KCNJ6: variants seen among roughly 807,000 people sequenced by gnomAD.
KCNJ6 encodes potassium inwardly rectifying channel subfamily J member 6.
KCNJ6 carries 9 observed loss-of-function variants against 34.2 expected under a neutral mutation model. The observed-to-expected ratio is 0.26, with a 90% CI of 0.16 to 0.46. The LOEUF is 0.46. Among genes scored for constraint, KCNJ6 ranks in the 20% least tolerant of loss-of-function variants. KCNJ6 has a pLI of 1.00. For missense variants in KCNJ6, 236 were observed against 531.3 expected, an observed-to-expected ratio of 0.44 and a Z score of 5.46; for synonymous variants, 196 against 207.1, an observed-to-expected ratio of 0.95 and a Z score of 0.46.
intron 1 of KCNJ6, among the ~76,000 whole-genome samples, chr21:37,859,498 T>C (rs1366158963): frequency 5.1e-5 from 1 of 19,448 alleles, no homozygotes; most frequent in Non-Finnish European, 9.6e-5. Context: ...TATATATATA[T>C]ATATATATAT....
intron 1 of KCNJ6, among the ~76,000 whole-genome samples, chr21:37,905,246 C>T (rs2055835853): frequency 6.6e-6 from 1 of 152,228 alleles, no homozygotes; most frequent in Non-Finnish European, 1.5e-5. Flanking sequence ...AGTGTCCTAG[C>T]TGTGTGTCCT....
chr21:37,795,750 A>AAC (rs1477658255), intron 2 of KCNJ6, among the ~76,000 whole-genome samples: 3 of 151,746 alleles, frequency 2.0e-5, no homozygotes, highest in Admixed American at 6.6e-5. Flanking sequence ...AAAAAAAACA[A>AAC]AAAAAAACCC....
rs1298815737 is a variant in KCNJ6, at chr21:37,615,726, A to T, written c.*9433T>A. The T allele has an allele frequency of 2.0e-5, 3 of 152,178 alleles. No individual in the cohort carries two copies. The highest frequency in any genetic ancestry group is 4.4e-5 in the Non-Finnish European group (3 of 68,014). 9.4% of individuals were successfully genotyped at this position (152,178 alleles called of 1,614,324 possible). A position where few individuals can be genotyped will look rare whatever the true frequency, so the allele number is the denominator to read the frequency against. On this transcript the variant is annotated 3_prime_UTR_variant, in exon 4 of 4. Transcript: ENST00000609713. ...GTAAATTTTAAAATTGCTTTTGTTT[A>T]TATTTGTGCTTATTAAAACACTCCC...
intron 3 of KCNJ6, among the ~76,000 whole-genome samples, chr21:37,669,490 CAAAG>C (rs1471157386): frequency 6.6e-6 from 1 of 152,096 alleles, no homozygotes; most frequent in Non-Finnish European, 1.5e-5. Flanking sequence ...AGGGAAGCCT[CAAAG>C]AAATCTCTGC....
At chr21:37,885,927 T>C (rs976451840) in intron 1 of KCNJ6, among the ~76,000 whole-genome samples, 1 of 152,164 alleles carries the variant, frequency 6.6e-6, no homozygotes, top group Admixed American at 6.5e-5. Context: ...CTTGCCTTTC[T>C]CGAGGTTATT....
chr21:37,717,124 C>T (rs1171801909), intron 2 of KCNJ6: 1 of 154,404 alleles, frequency 6.5e-6, no homozygotes, highest in African/African-American at 2.4e-5. Flanking sequence ...GTTTCAGCCT[C>T]AGGAAGAGAC....
chr21:37,891,850 G>A (rs1009469487), intron 1 of KCNJ6, among the ~76,000 whole-genome samples: 1 of 152,192 alleles, frequency 6.6e-6, no homozygotes, highest in African/African-American at 2.4e-5. Flanking sequence ...CATTGGTGCT[G>A]ATGCTGGCGG....
At chr21:37,749,902 T>C (rs529065477) in intron 2 of KCNJ6, among the ~76,000 whole-genome samples, 27 of 152,284 alleles carry the variant, frequency 1.8e-4, no homozygotes, top group Admixed American at 3.9e-4. Context: ...CAGCCTGCCT[T>C]GCACCGTCGC....
At chr21:37,673,373 T>G (rs1261990839) in intron 3 of KCNJ6, among the ~76,000 whole-genome samples, 1 of 146,884 alleles carries the variant, frequency 6.8e-6, no homozygotes, top group Non-Finnish European at 1.5e-5. Context: ...GGGCTGCCCC[T>G]GTCCCCTCCC....
At chr21:37,629,602 G>A (rs2054325202) in intron 3 of KCNJ6, among the ~76,000 whole-genome samples, 1 of 152,184 alleles carries the variant, frequency 6.6e-6, no homozygotes, top group Admixed American at 6.5e-5. Context: ...AACAGAGGGA[G>A]GAGATGGCCA....
In KCNJ6 at chr21:37,874,141, C is replaced by G. The variant is rs2055666205; in HGVS notation, c.-27-33432G>C. ...CCTGCTCCCTGGAAGCTGCTCCTGT[C>G]TGGGCCCGCAGTAGCACCCAGCCCA... On this transcript the variant is annotated intron_variant, in intron 1 of 3. Coordinates refer to ENST00000609713, the MANE Select transcript of KCNJ6 (RefSeq NM_002240.5). Among the ~76,000 whole-genome samples, 5 of 152,204 alleles carry G rather than the reference C, an allele frequency of 3.3e-5. No homozygotes were observed. The South Asian group carries it at 1.0e-3, about 32-fold the overall frequency.
intron 2 of KCNJ6, among the ~76,000 whole-genome samples, chr21:37,799,972 C>T (rs2055261575): frequency 6.6e-6 from 1 of 152,166 alleles, no homozygotes; most frequent in African/African-American, 2.4e-5. Context: ...AAGAGAGGCA[C>T]CCAAATGCCT....
chr21:37,771,713 C>T (rs115483716), intron 2 of KCNJ6, among the ~76,000 whole-genome samples: 1,796 of 152,226 alleles, frequency 0.012, 28 homozygotes, highest in African/African-American at 0.041. Flanking sequence ...GTTTTAATGA[C>T]CACCTAATTT....
chr21:37,705,616 A>G (rs1344007338), intron 3 of KCNJ6, among the ~76,000 whole-genome samples: 1 of 152,220 alleles, frequency 6.6e-6, no homozygotes, highest in African/African-American at 2.4e-5. Flanking sequence ...AGGTACAAGT[A>G]TCATTCCCAT....
chr21:37,789,423 G>A (rs567153172), intron 2 of KCNJ6, among the ~76,000 whole-genome samples: 2 of 152,160 alleles, frequency 1.3e-5, no homozygotes, highest in East Asian at 3.9e-4. Context: ...GCAAGAAGGT[G>A]GCCATCTGCA....
At chr21:37,766,714 C>T (rs1358687171) in intron 2 of KCNJ6, among the ~76,000 whole-genome samples, 1 of 152,114 alleles carries the variant, frequency 6.6e-6, no homozygotes, top group Non-Finnish European at 1.5e-5. Context: ...ACCAGGGGTC[C>T]CCAAACCGTG....
intron 2 of KCNJ6, among the ~76,000 whole-genome samples, chr21:37,772,067 C>T (rs1207652235): frequency 6.6e-6 from 1 of 152,168 alleles, no homozygotes; most frequent in East Asian, 1.9e-4. Flanking sequence ...ATAAAATTAT[C>T]TCATCTGCAT....
In KCNJ6 at chr21:37,638,908, AT is replaced by A. The variant is rs1487896851; in HGVS notation, c.947-13425del. On this transcript the variant is annotated intron_variant, in intron 3 of 3. Transcript: ENST00000609713. ...ATATGTAGGCTCTCTCCTACAAAAC[AT>A]ACAAAACACTTTCGGAACGGTCACA... Among the ~76,000 whole-genome samples, 3 of 152,382 alleles carry A rather than the reference AT, an allele frequency of 2.0e-5. No homozygotes were observed. In the East Asian group the frequency reaches 5.8e-4, roughly 29 times the overall value.
intron 1 of KCNJ6, among the ~76,000 whole-genome samples, chr21:37,866,792 A>G (rs897853024): frequency 3.3e-5 from 5 of 152,240 alleles, no homozygotes; most frequent in Non-Finnish European, 5.9e-5. Flanking sequence ...GAGATGGCCA[A>G]CGGCTGTTGG....
Sources: allele counts gnomAD v4.1 joint callset (sites outside exome capture counted in the v4.1 genomes callset), GRCh38; gene constraint gnomAD v4.1.1; transcripts MANE v1.5; gene names NCBI Gene and HGNC (gene_info 2026-07-23, HGNC 2026-07-21).